CFAP77: variants seen among roughly 807,000 people sequenced by gnomAD.
CFAP77 encodes the protein cilia- and flagella-associated protein 77.
CFAP77 carries 25 observed loss-of-function variants against 31.1 expected under a neutral mutation model. The ratio of observed to expected loss-of-function variants is 0.80; its 90% CI spans 0.59 to 1.12. CFAP77 has a LOEUF of 1.12. Among genes scored for constraint, CFAP77 ranks in the 50% most tolerant of loss-of-function variants. The probability of loss-of-function intolerance (pLI) is 0.00; values close to 1 mark genes in which losing one functional copy is unlikely to be tolerated. For missense variants in CFAP77, 377 were observed against 397.3 expected (o/e 0.95, Z 0.44); for synonymous variants, 151 against 159.9 (o/e 0.94, Z 0.42).
At position 132,545,682 on chromosome 9, in the gene CFAP77, C is replaced by T. The variant is rs1008749339; in HGVS notation, c.732+2635C>T. ...CGTTATGGGTGTCACACGCAGTCGC[C>T]TCCTTGTCAGGAAGTAACACCAACA... On this transcript the variant is annotated intron_variant, in intron 5 of 5. Coordinates refer to ENST00000393216, the MANE Select transcript of CFAP77 (RefSeq NM_001282957.2). The surrounding 1 kb of genome is among the most constrained non-coding windows in gnomAD (Gnocchi z 4.6). Among the ~76,000 whole-genome samples the T allele has an allele frequency of 2.0e-5, 3 of 152,216 alleles. No individual in the cohort carries two copies. Among genetic ancestry groups the T allele is most frequent in the African/African-American group, 7.2e-5 (3 of 41,460 alleles).
chr9:132,545,864 C>T lies in CFAP77; in HGVS notation c.732+2817C>T, dbSNP rs1003786043. ...GGGGTTTCCTAGCCCCAGGGCCTCC[C>T]GAGGACCCCTTCCCTCACCTCCAGG... On this transcript the variant is annotated intron_variant, in intron 5 of 5. Transcript: ENST00000393216. This position sits in a 1 kb window ranked among gnomAD's most constrained non-coding sequence, Gnocchi z 4.6. Among the ~76,000 whole-genome samples, 23 of 152,246 alleles carry T rather than the reference C, an allele frequency of 1.5e-4. No individual in the cohort carries two copies. The highest frequency in any genetic ancestry group is 5.1e-4 in the African/African-American group (21 of 41,532).
In CFAP77 at chr9:132,481,977, C is replaced by T. The variant is rs900286292; in HGVS notation, c.196-16718C>T. On this transcript the variant is annotated intron_variant, in intron 1 of 5. Coordinates refer to ENST00000393216, the MANE Select transcript of CFAP77 (RefSeq NM_001282957.2). The surrounding 1 kb of genome is among the most constrained non-coding windows in gnomAD (Gnocchi z 5.0). ...TTATGGTTGGGGGGGGGGGGGGCGG[C>T]GGAACACTGAACATTTTTCTTCCCT... is the stretch of plus-strand genomic sequence containing the variant. Among the ~76,000 whole-genome samples, 1 of 131,582 alleles carries T rather than the reference C, an allele frequency of 7.6e-6. No individual in the cohort carries two copies. Among genetic ancestry groups the T allele is most frequent in the Non-Finnish European group, 1.7e-5 (1 of 59,994 alleles). The allele number at this position is 131,582 out of a possible 152,430, so 86.3% of individuals were successfully genotyped here.
rs1850894264 is a variant in CFAP77, at chr9:132,455,340, C to T, written c.196-43355C>T. On this transcript the variant is annotated intron_variant, in intron 1 of 5. Coordinates refer to ENST00000393216, the MANE Select transcript of CFAP77 (RefSeq NM_001282957.2). The surrounding 1 kb of genome is among the most constrained non-coding windows in gnomAD (Gnocchi z 4.1). Reference sequence around the variant, plus strand: ...TGGCCAACATGGCGAAACCTCATCTCTACTAAAAATACAAAAATTAGCCAG... The same window carrying T: ...TGGCCAACATGGCGAAACCTCATCTTTACTAAAAATACAAAAATTAGCCAG... Among the ~76,000 whole-genome samples, 1 of 152,086 alleles carries T rather than the reference C, an allele frequency of 6.6e-6. No individual in the cohort carries two copies. Among genetic ancestry groups the T allele is most frequent in the South Asian group, 2.1e-4 (1 of 4,808 alleles).
chr9:132,500,966 C>T (rs768039709), intron 3 of CFAP77, among the ~76,000 whole-genome samples: 27 of 152,262 alleles, frequency 1.8e-4, no homozygotes, highest in Non-Finnish European at 3.5e-4. Context: ...GCTAACTGCT[C>T]TCTCTTCTTC....
chr9:132,486,551 A>G (rs1435921686), intron 1 of CFAP77, among the ~76,000 whole-genome samples: 1 of 151,962 alleles, frequency 6.6e-6, no homozygotes. Context: ...GCTAGTTTTT[A>G]TTGCTCTTTA....
chr9:132,526,715 A>G (rs1852371969), intron 3 of CFAP77, among the ~76,000 whole-genome samples: 1 of 119,838 alleles, frequency 8.3e-6, no homozygotes, highest in South Asian at 3.3e-4. Flanking sequence ...ATCAGAGAAT[A>G]CTACAAACAC....
chr9:132,548,239 G>A (rs984262816), intron 5 of CFAP77, among the ~76,000 whole-genome samples: 1 of 130,476 alleles, frequency 7.7e-6, no homozygotes, highest in Admixed American at 8.7e-5. Flanking sequence ...TCGGCAGGAG[G>A]GCCCCACAAA....
intron 1 of CFAP77, among the ~76,000 whole-genome samples, chr9:132,477,290 C>G (rs1851364944): frequency 6.6e-6 from 1 of 152,176 alleles, no homozygotes; most frequent in Non-Finnish European, 1.5e-5. Context: ...AACGACGAGC[C>G]TTCTGTTCAT....
chr9:132,518,010 G>A lies in CFAP77; in HGVS notation c.524+18410G>A, dbSNP rs375163043. ...ACCCGGTTTTGTTGCTAGTGGGCGC[G>A]TCCGGTGGTGAGAAACTTTTCTGGG... On this transcript the variant is annotated intron_variant, in intron 3 of 5. Transcript: ENST00000393216. 7.2e-5 allele frequency among the ~76,000 whole-genome samples: 11 copies of A among 152,198 alleles called. No individual in the cohort carries two copies. The East Asian group carries it at 7.7e-4, about 11-fold the overall frequency.
At chr9:132,446,768 A>G (rs1456481616) in intron 1 of CFAP77, among the ~76,000 whole-genome samples, 2 of 146,622 alleles carry the variant, frequency 1.4e-5, no homozygotes, top group Non-Finnish European at 1.5e-5. Flanking sequence ...AAAAAAAAAG[A>G]TAACATGTGG....
At chr9:132,444,870 C>T (rs1225747201) in intron 1 of CFAP77, among the ~76,000 whole-genome samples, 1 of 152,066 alleles carries the variant, frequency 6.6e-6, no homozygotes, top group Admixed American at 6.6e-5. Context: ...CCATCCAGCT[C>T]CAGAACTCTT....
intron 1 of CFAP77, among the ~76,000 whole-genome samples, chr9:132,484,188 T>C (rs1851499398): frequency 6.6e-6 from 1 of 152,146 alleles, no homozygotes; most frequent in Non-Finnish European, 1.5e-5. Flanking sequence ...TCTGCCCGCC[T>C]CAGCCTCCCA....
chr9:132,425,486 C>T (rs1001403865), intron 1 of CFAP77, among the ~76,000 whole-genome samples: 4 of 152,000 alleles, frequency 2.6e-5, no homozygotes, highest in Admixed American at 6.6e-5. Context: ...CTAGGGACCC[C>T]GAGCTGAGAT....
At chr9:132,469,838 ATT>A (rs763910119) in intron 1 of CFAP77, among the ~76,000 whole-genome samples, 17 of 128,752 alleles carry the variant, frequency 1.3e-4, no homozygotes, top group South Asian at 2.4e-4. Context: ...TTGCTCCGTG[ATT>A]TTTTTTTTTT....
chr9:132,459,706 ATG>A (rs1026452365), intron 1 of CFAP77, among the ~76,000 whole-genome samples: 38 of 146,490 alleles, frequency 2.6e-4, no homozygotes, highest in African/African-American at 4.3e-4. Flanking sequence ...GTGTTTGTGT[ATG>A]TGTGTTTACC....
chr9:132,516,256 T>G (rs1852144482), intron 3 of CFAP77, among the ~76,000 whole-genome samples: 1 of 152,228 alleles, frequency 6.6e-6, no homozygotes, highest in South Asian at 2.1e-4. Flanking sequence ...CAGGCCAAAC[T>G]AAGCATGTCT....
chr9:132,459,998 A>T (rs1311808521), intron 1 of CFAP77, among the ~76,000 whole-genome samples: 1 of 152,052 alleles, frequency 6.6e-6, no homozygotes, highest in Non-Finnish European at 1.5e-5. Flanking sequence ...CCTTCAAGAC[A>T]CTTCTCCTGA....
In CFAP77 at chr9:132,472,099, C is replaced by G. The variant is rs189290394; in HGVS notation, c.196-26596C>G. Among the ~76,000 whole-genome samples the G allele has an allele frequency of 2.7e-3, 407 of 152,304 alleles. 2 individuals carry two copies. Among genetic ancestry groups the G allele is most frequent in the African/African-American group, 9.5e-3 (395 of 41,576 alleles). On this transcript the variant is annotated intron_variant, in intron 1 of 5. Coordinates refer to ENST00000393216, the MANE Select transcript of CFAP77 (RefSeq NM_001282957.2). ...CCTTTGCAGATCCCCCCGCCGCCCC[C>G]ATGATTCCATCCCACCACCACATGT...
chr9:132,560,570 CG>C, intron 5 of CFAP77, among the ~76,000 whole-genome samples: 1 of 152,324 alleles, frequency 6.6e-6, no homozygotes, highest in Non-Finnish European at 1.5e-5. Flanking sequence ...AGGAGCAAAT[CG>C]ATTCTCATTT....
Sources: gnomAD v4.1 joint callset for allele counts (sites outside exome capture counted in the v4.1 genomes callset) on GRCh38, gnomAD v4.1.1 for gene constraint, Gnocchi (gnomAD v3.1) non-coding constraint, MANE v1.5 for transcripts, NCBI Gene and HGNC (gene_info 2026-07-23, HGNC 2026-07-21) for gene names.